The following PIAS1 variants were observed in gnomAD, a reference collection of about 807,000 sequenced individuals.
PIAS1 encodes protein inhibitor of activated STAT 1, also known as E3 SUMO-protein ligase PIAS1.
In PIAS1, 6 loss-of-function variants were observed where a neutral mutation model predicts 71.3. That is an observed-to-expected ratio of 0.08 (90% CI 0.05 to 0.17). The LOEUF is 0.17. PIAS1 is among the 10% of genes least tolerant of loss of function. The pLI is 1.00. For synonymous variants in PIAS1, 303 were observed against 292.9 expected, an observed-to-expected ratio of 1.03 and a Z score of -0.35; for missense variants, 555 against 793.6, an observed-to-expected ratio of 0.70 and a Z score of 3.61.
At position 68,107,765 on chromosome 15, in the gene PIAS1, T is replaced by A. The variant is rs570064639; in HGVS notation, c.469+21015T>A. Among the ~76,000 whole-genome samples the A allele has an allele frequency of 3.3e-5, 5 of 152,202 alleles. No homozygotes were observed. The East Asian group carries it at 9.7e-4, about 29-fold the overall frequency. ...AAAAGCTGATGGTAAATACTTATGC[T>A]TATACTTAGCTAGATAAAACACACA... On this transcript the variant is annotated intron_variant, in intron 2 of 13. Coordinates refer to ENST00000249636, the MANE Select transcript of PIAS1 (RefSeq NM_016166.3).
chr15:68,170,231 A>G (rs1313849080), intron 8 of PIAS1, among the ~76,000 whole-genome samples: 1 of 152,206 alleles, frequency 6.6e-6, no homozygotes, highest in Non-Finnish European at 1.5e-5. Context: ...ATGCACTATT[A>G]GGGGATTTTG....
chr15:68,103,538 C>T (rs1250334139), intron 2 of PIAS1, among the ~76,000 whole-genome samples: 1 of 151,990 alleles, frequency 6.6e-6, no homozygotes, highest in Non-Finnish European at 1.5e-5. Context: ...AGTTGTGCAG[C>T]CACCATCACT....
Position 68,181,248 on chromosome 15 carries a change from C to G in PIAS1, c.1518C>G (p.Ser506=), listed in dbSNP as rs753602634. 2 of 1,613,544 alleles carry G rather than the reference C, an allele frequency of 1.2e-6. No individual in the cohort carries two copies. The highest frequency in any genetic ancestry group is 1.7e-5 in the Admixed American group (1 of 59,984). ...LSLPHQASPV[S]RTPSLPAVDT... ...TTCCACATCAAGCATCTCCAGTATC[C>G]CGCACCCCAAGCCTTCCTGCTGTAG... Residue 506 remains serine, a synonymous_variant, in exon 12 of 14, where the codon TCC becomes TCG. Coordinates refer to ENST00000249636, the MANE Select transcript of PIAS1 (RefSeq NM_016166.3).
intron 1 of PIAS1, among the ~76,000 whole-genome samples, chr15:68,066,810 G>A (rs1420295842): frequency 6.6e-6 from 1 of 152,116 alleles, no homozygotes; most frequent in Non-Finnish European, 1.5e-5. Flanking sequence ...AAAAAGTATA[G>A]TATTTTGTGT....
At chr15:68,061,092 A>G (rs1018642009) in intron 1 of PIAS1, among the ~76,000 whole-genome samples, 12 of 152,256 alleles carry the variant, frequency 7.9e-5, no homozygotes, top group Admixed American at 6.5e-4. Context: ...TAAGAATGCT[A>G]TTTGTGCAAC....
intron 1 of PIAS1, among the ~76,000 whole-genome samples, chr15:68,074,758 A>G (rs1470060010): frequency 1.3e-5 from 2 of 152,022 alleles, no homozygotes; most frequent in East Asian, 3.9e-4. Flanking sequence ...TTTTTGACAG[A>G]GTAAGTTGTA....
chr15:68,144,853 T>G (rs1271542846), intron 4 of PIAS1, among the ~76,000 whole-genome samples: 4 of 152,104 alleles, frequency 2.6e-5, no homozygotes, highest in Non-Finnish European at 4.4e-5. Context: ...ATAAAATTGT[T>G]TTATATTGTG....
chr15:68,193,339 T>C lies in PIAS1; in HGVS notation c.*5504T>C, dbSNP rs1052835229. The C allele has an allele frequency of 4.6e-5, 7 of 152,334 alleles. No individual in the cohort carries two copies. Among genetic ancestry groups the C allele is most frequent in the African/African-American group, 1.7e-4 (7 of 41,454 alleles). 9.4% of individuals were successfully genotyped at this position (152,334 alleles called of 1,614,324 possible). On this transcript the variant is annotated 3_prime_UTR_variant, in exon 14 of 14. Coordinates refer to ENST00000249636, the MANE Select transcript of PIAS1 (RefSeq NM_016166.3). ...CTGCTCTCAGCTGATGCTGCCTCAT[T>C]GTAGCATGTGTTTTCACTCTAGTGT... is the stretch of plus-strand genomic sequence containing the variant.
intron 1 of PIAS1, among the ~76,000 whole-genome samples, chr15:68,085,764 C>A (rs548569612): frequency 6.6e-6 from 1 of 152,082 alleles, no homozygotes; most frequent in African/African-American, 2.4e-5. Context: ...TATAATTGGT[C>A]AAAAAAGGTG....
At chr15:68,130,099 G>A (rs1047114695) in intron 2 of PIAS1, among the ~76,000 whole-genome samples, 4 of 151,784 alleles carry the variant, frequency 2.6e-5, no homozygotes, top group Non-Finnish European at 5.9e-5. Flanking sequence ...AGTTTATTAC[G>A]CATTGCATGC....
chr15:68,123,452 A>G (rs554449096), intron 2 of PIAS1, among the ~76,000 whole-genome samples: 3 of 152,206 alleles, frequency 2.0e-5, no homozygotes, highest in Non-Finnish European at 4.4e-5. Flanking sequence ...TAAAATTGCA[A>G]CTACTACTTA....
rs2093010951 is a variant in PIAS1 at position 68,174,583 on chromosome 15, T to C, written c.1169+691T>C. The stretch of plus-strand genomic sequence containing the variant: ...CAGAGTCTTGCCATTTTGCCCAGGC[T>C]GCTCTCGAATTCCTGGGCTCAAGTG... On this transcript the variant is annotated intron_variant, in intron 9 of 13. Transcript: ENST00000249636. This position sits in a 1 kb window ranked among gnomAD's most constrained non-coding sequence, Gnocchi z 4.0. 6.6e-6 allele frequency among the ~76,000 whole-genome samples: 1 copy of C among 152,180 alleles called. No homozygotes were observed. The highest frequency in any genetic ancestry group is 6.5e-5 in the Admixed American group (1 of 15,284).
rs968417164 is a variant in PIAS1, at chr15:68,185,541, G to A, written c.1662+1874G>A. Among the ~76,000 whole-genome samples, 6 of 152,336 alleles carry A rather than the reference G, an allele frequency of 3.9e-5. No individual in the cohort carries two copies. Among genetic ancestry groups the A allele is most frequent in the African/African-American group, 1.2e-4 (5 of 41,568 alleles). ...GCTGTTGGAACTGGAACAGGAACAC[G>A]CAGCTGAAGAAGGTGCAAGAGAAAA... On this transcript the variant is annotated intron_variant, in intron 13 of 13. Coordinates refer to ENST00000249636, the MANE Select transcript of PIAS1 (RefSeq NM_016166.3). The surrounding 1 kb of genome is among the most constrained non-coding windows in gnomAD (Gnocchi z 4.4).
At chr15:68,124,785 A>G (rs376235492) in intron 2 of PIAS1, among the ~76,000 whole-genome samples, 23 of 152,298 alleles carry the variant, frequency 1.5e-4, no homozygotes, top group African/African-American at 5.5e-4. Context: ...AAAATGTCAA[A>G]TAGGCTCATT....
rs369781526 is a variant in PIAS1, at chr15:68,176,534, A to G, written c.1361A>G (p.Asn454Ser). The change falls in exon 11 of 14, where the codon AAC becomes AGC. Residue 454 changes from asparagine (N) to serine (S), a missense_variant. Asn to Ser is a conservative substitution (Grantham distance 46). Coordinates refer to ENST00000249636, the MANE Select transcript of PIAS1 (RefSeq NM_016166.3). Reference sequence around the variant, plus strand: ...TCTCACCACCAGTCCTCAAATAAAAACAAGAAAGTAGAAGTGATTGACCTA... The same window carrying G: ...TCTCACCACCAGTCCTCAAATAAAAGCAAGAAAGTAGAAGTGATTGACCTA... ...VASHHQSSNKNKKVEVIDLTI... is the reference protein window; with the variant it reads ...VASHHQSSNKSKKVEVIDLTI... 1.3e-5 allele frequency: 21 copies of G among 1,612,562 alleles called. No homozygotes were observed. Among genetic ancestry groups the G allele is most frequent in the Non-Finnish European group, 1.7e-5 (20 of 1,179,422 alleles).
At chr15:68,150,883 T>A (rs2141058803) in intron 6 of PIAS1, among the ~76,000 whole-genome samples, 1 of 151,960 alleles carries the variant, frequency 6.6e-6, no homozygotes, top group Middle Eastern at 3.4e-3. Context: ...AAAAAAAAAA[T>A]TCAGAGTCCA....
Position 68,119,057 on chromosome 15 carries a change from T to C in PIAS1, c.470-22889T>C, listed in dbSNP as rs959357639. Among the ~76,000 whole-genome samples the C allele has an allele frequency of 3.3e-5, 5 of 151,374 alleles. No homozygotes were observed. In the East Asian group the frequency reaches 7.8e-4, roughly 24 times the overall value. ...CTATACATCTGATAAGGGGTTAATATATAAAGAACTCAAACAACTCAGCAG... is the reference window on the plus strand; with the variant it reads ...CTATACATCTGATAAGGGGTTAATACATAAAGAACTCAAACAACTCAGCAG... On this transcript the variant is annotated intron_variant, in intron 2 of 13. Transcript: ENST00000249636.
At chr15:68,116,114 A>G (rs2092563074) in intron 2 of PIAS1, among the ~76,000 whole-genome samples, 1 of 151,210 alleles carries the variant, frequency 6.6e-6, no homozygotes, top group Non-Finnish European at 1.5e-5. Flanking sequence ...GTGTAGAATC[A>G]ATATTTTTTC....
intron 2 of PIAS1, among the ~76,000 whole-genome samples, chr15:68,106,164 C>T (rs2092466743): frequency 6.6e-6 from 1 of 151,890 alleles, no homozygotes; most frequent in Admixed American, 6.6e-5. Flanking sequence ...CATACATTTT[C>T]ACACATGAAT....
Sources: gnomAD v4.1 joint callset for allele counts (sites outside exome capture counted in the v4.1 genomes callset) on GRCh38, gnomAD v4.1.1 for gene constraint, Gnocchi (gnomAD v3.1) non-coding constraint, MANE v1.5 for transcripts, NCBI Gene and HGNC (gene_info 2026-07-23, HGNC 2026-07-21) for gene names.